Variants in DNMT3A observed in about 807,000 individuals in gnomAD.
DNMT3A encodes the protein DNA (cytosine-5)-methyltransferase 3A.
In DNMT3A, 267 loss-of-function variants were observed where a neutral mutation model predicts 117.6. The ratio of observed to expected loss-of-function variants is 2.27; its 90% CI spans 2.05 to 2.51. DNMT3A has a LOEUF of 2.51. Ranked by LOEUF, DNMT3A falls within the 30% of genes most tolerant of loss-of-function variation. DNMT3A has a pLI of 0.00. For missense variants in DNMT3A, 1,029 were observed against 1,260.2 expected (o/e 0.82, Z 2.78); for synonymous variants, 432 against 474.8 (o/e 0.91, Z 1.17).
chr2:25,276,814 G>T (rs1275018431), intron 4 of DNMT3A, among the ~76,000 whole-genome samples: 33 of 152,256 alleles, frequency 2.2e-4, no homozygotes, highest in Admixed American at 2.1e-3. Flanking sequence ...TTGGGGTGGG[G>T]GGAGACAAAG....
intron 6 of DNMT3A, chr2:25,249,738 T>C (rs374197911): frequency 7.4e-6 from 12 of 1,614,036 alleles, no homozygotes; most frequent in Non-Finnish European, 1.0e-5. Context: ...CAAAGGAGAA[T>C]GAAATCCTTG....
intron 3 of DNMT3A, among the ~76,000 whole-genome samples, chr2:25,288,546 A>G (rs1358994902): frequency 6.6e-6 from 1 of 151,258 alleles, no homozygotes; most frequent in Non-Finnish European, 1.5e-5. Context: ...TTCTGACTTC[A>G]TGATCCACCC....
At chr2:25,246,341 T>C (rs745329376) in intron 10 of DNMT3A, 32 bp from the exon 11 acceptor site, 1 of 1,572,878 alleles carries the variant, frequency 6.4e-7, no homozygotes, top group East Asian at 2.2e-5. Context: ...CAAGGTCAGT[T>C]ACAGGCTGAC....
intron 1 of DNMT3A, among the ~76,000 whole-genome samples, chr2:25,334,595 C>T (rs2035139568): frequency 6.6e-6 from 1 of 152,242 alleles, no homozygotes; most frequent in African/African-American, 2.4e-5. Flanking sequence ...TTGTTCTCCA[C>T]TTTGGGTCAG....
Position 25,247,088 on chromosome 2 carries a change from T to G in DNMT3A, c.1085A>C (p.Gln362Pro). The G allele has an allele frequency of 1.2e-6, 2 of 1,614,164 alleles. No homozygotes were observed. Among genetic ancestry groups the G allele is most frequent in the Non-Finnish European group, 1.7e-6 (2 of 1,180,002 alleles). ...GTAGATGGCTTTGCGGTACATGGGC[T>G]GCTTGTTGTACGTGGCCTGGTGGAA... is the stretch of plus-strand genomic sequence containing the variant. Reference protein sequence around the residue: ...SAFHQATYNKQPMYRKAIYEV... With the variant: ...SAFHQATYNKPPMYRKAIYEV... Residue 362 changes from glutamine (Q) to proline (P), a missense_variant, in exon 9 of 23, where the codon CAG (glutamine) becomes CCG (proline). Gln to Pro is a moderately conservative substitution (Grantham distance 76). Transcript: ENST00000321117. The surrounding 1 kb of genome is among the most constrained non-coding windows in gnomAD (Gnocchi z 5.6).
intron 13 of DNMT3A, among the ~76,000 whole-genome samples, 170 bp from the exon 14 acceptor site, chr2:25,244,822 A>C (rs1674546312): frequency 6.6e-6 from 1 of 152,154 alleles, no homozygotes; most frequent in African/African-American, 2.4e-5. Flanking sequence ...GGGAAACCTC[A>C]TCTGCCTGTG....
intron 6 of DNMT3A, among the ~76,000 whole-genome samples, chr2:25,266,156 G>C (rs1260592762): frequency 1.3e-5 from 2 of 152,216 alleles, no homozygotes; most frequent in East Asian, 3.8e-4. Flanking sequence ...CTATGGTAAA[G>C]GCCAGCCCTC....
chr2:25,259,748 G>A (rs1197691764), intron 6 of DNMT3A, among the ~76,000 whole-genome samples: 1 of 152,116 alleles, frequency 6.6e-6, no homozygotes, highest in Non-Finnish European at 1.5e-5. Flanking sequence ...AGGCTCCAGG[G>A]GTCAAAGGGA....
chr2:25,235,656 C>T (rs745730865), intron 22 of DNMT3A, 51 bp downstream of exon 22: 2 of 1,459,624 alleles, frequency 1.4e-6, no homozygotes, highest in Admixed American at 1.7e-5. Context: ...GCAGCAAGCA[C>T]AGCAATCAGA....
intron 1 of DNMT3A, among the ~76,000 whole-genome samples, chr2:25,334,149 C>A (rs1404323129): frequency 1.3e-5 from 2 of 152,176 alleles, no homozygotes; most frequent in Non-Finnish European, 2.9e-5. Context: ...GGAAGGGAAG[C>A]CCCAAGAGGC....
intron 1 of DNMT3A, among the ~76,000 whole-genome samples, chr2:25,325,521 T>C (rs2034752923): frequency 6.6e-6 from 1 of 152,130 alleles, no homozygotes; most frequent in South Asian, 2.1e-4. Context: ...TATCACTTAG[T>C]CCCCTGCGCG....
intron 6 of DNMT3A, among the ~76,000 whole-genome samples, chr2:25,264,242 C>G (rs932018588): frequency 4.8e-5 from 7 of 145,436 alleles, no homozygotes; most frequent in Non-Finnish European, 1.0e-4. Flanking sequence ...CTGGCTCAAA[C>G]GATTCTTGTG....
At chr2:25,272,399 C>T (rs954898453) in intron 6 of DNMT3A, among the ~76,000 whole-genome samples, 1 of 152,162 alleles carries the variant, frequency 6.6e-6, no homozygotes, top group African/African-American at 2.4e-5. Context: ...TAACTGAGGG[C>T]AGGCCTCCAT....
intron 1 of DNMT3A, among the ~76,000 whole-genome samples, chr2:25,341,594 C>A (rs1473771525): frequency 6.8e-6 from 1 of 146,886 alleles, no homozygotes; most frequent in Non-Finnish European, 1.5e-5. Flanking sequence ...GGGCGCCTGC[C>A]GAGCCCGCGG....
chr2:25,297,513 T>G (rs1008555052), intron 3 of DNMT3A, among the ~76,000 whole-genome samples: 28 of 148,954 alleles, frequency 1.9e-4, no homozygotes, highest in African/African-American at 6.9e-4. Context: ...CATTGTTTTT[T>G]TTTTTTTTTT....
rs1317615739 is a variant in DNMT3A, at chr2:25,327,324, C to CT, written c.-177-13164dup. On this transcript the variant is annotated intron_variant, in intron 1 of 22. Coordinates refer to ENST00000321117, the MANE Select transcript of DNMT3A (RefSeq NM_022552.5). This position sits in a 1 kb window ranked among gnomAD's most constrained non-coding sequence, Gnocchi z 4.1. ...TACAGTCACCCGCGGCCCCAAAGGG[C>CT]TTTTTTCCATCCTCATGGCCCTTGA... is the stretch of plus-strand genomic sequence containing the variant. Among the ~76,000 whole-genome samples the CT allele has an allele frequency of 6.6e-6, 1 of 152,166 alleles. No homozygotes were observed. Among genetic ancestry groups the CT allele is most frequent in the Non-Finnish European group, 1.5e-5 (1 of 68,038 alleles).
intron 13 of DNMT3A, 37 bp downstream of exon 13, chr2:25,245,216 C>T (rs1430195823): frequency 6.2e-7 from 1 of 1,604,078 alleles, no homozygotes; most frequent in Admixed American, 1.7e-5. Flanking sequence ...GAAGGGCCGG[C>T]CTCAACGGCA....
Position 25,240,466 on chromosome 2 carries a change from A to C in DNMT3A, c.2174-16T>G. 6.3e-7 allele frequency: 1 copy of C among 1,596,268 alleles called. No homozygotes were observed. Among genetic ancestry groups the C allele is most frequent in the Non-Finnish European group, 8.5e-7 (1 of 1,171,416 alleles). ...CCAGTGCCCTCTGAGAGGTCGGAAG[A>C]GAAAGCCATCAGCTGGGGCTGTCTG... On this transcript the variant is annotated splice_polypyrimidine_tract_variant and intron_variant, in intron 18 of 22. Transcript: ENST00000321117.
At position 25,314,090 on chromosome 2, in the gene DNMT3A, A is replaced by G; in HGVS notation, c.-106T>C. 1 of 1,439,060 alleles carries G rather than the reference A, an allele frequency of 6.9e-7. No individual in the cohort carries two copies. Among genetic ancestry groups the G allele is most frequent in the Non-Finnish European group, 9.1e-7 (1 of 1,098,760 alleles). 89.1% of individuals were successfully genotyped at this position (1,439,060 alleles called of 1,614,324 possible). Reference sequence around the variant, plus strand: ...GAGGCGAGAGTTAAAACTTAAACATAGATCCCGGTGTTGAGCCCTCTGGTG... The same window carrying G: ...GAGGCGAGAGTTAAAACTTAAACATGGATCCCGGTGTTGAGCCCTCTGGTG... On this transcript the variant is annotated 5_prime_UTR_variant, in exon 2 of 23. Transcript: ENST00000321117.
Sources: allele counts gnomAD v4.1 joint callset (sites outside exome capture counted in the v4.1 genomes callset), GRCh38; gene constraint gnomAD v4.1.1; non-coding constraint Gnocchi (gnomAD v3.1); transcripts MANE v1.5; gene names NCBI Gene and HGNC (gene_info 2026-07-23, HGNC 2026-07-21).